Variants in C1QTNF3 observed in about 807,000 individuals in gnomAD.
C1QTNF3 encodes the protein C1q and TNF related 3, also known as complement C1q tumor necrosis factor-related protein 3.
A neutral mutation model predicts 32.6 loss-of-function variants in C1QTNF3; 26 were observed. The observed-to-expected ratio is 0.80, with a 90% CI of 0.58 to 1.11. The LOEUF (loss-of-function observed/expected upper bound fraction) is 1.11. Ranked by LOEUF, C1QTNF3 falls within the 50% of genes least tolerant of loss-of-function variation. The probability of loss-of-function intolerance (pLI) is 0.00; values close to 1 mark genes in which losing one functional copy is unlikely to be tolerated. For missense variants in C1QTNF3, 362 were observed against 398.2 expected (o/e 0.91, Z 0.77); for synonymous variants, 155 against 146.0 (o/e 1.06, Z -0.44).
At chr5:34,051,658 A>T in the C1QTNF3 span, among the ~76,000 whole-genome samples, 1 of 152,206 alleles carries the variant, frequency 6.6e-6, no homozygotes, top group Non-Finnish European at 1.5e-5. Context: ...ATACTTCCTG[A>T]GAAGGCAGGG....
the C1QTNF3 span, among the ~76,000 whole-genome samples, chr5:34,216,167 T>C: frequency 6.6e-6 from 1 of 152,254 alleles, no homozygotes; most frequent in Non-Finnish European, 1.5e-5. Flanking sequence ...ATGGTAATAA[T>C]CTTTCTACCA....
the C1QTNF3 span, among the ~76,000 whole-genome samples, chr5:34,183,878 A>G: frequency 9.0e-4 from 137 of 151,578 alleles, no homozygotes; most frequent in African/African-American, 3.3e-3. Flanking sequence ...ATAAGCCATG[A>G]TTTTGAAGTC....
the C1QTNF3 span, chr5:34,124,330 A>C: frequency 1.5e-6 from 1 of 654,028 alleles, no homozygotes; most frequent in South Asian, 1.7e-5. Context: ...GCACTGCTAT[A>C]AAGAAATACC....
the C1QTNF3 span, among the ~76,000 whole-genome samples, chr5:34,229,214 T>C: frequency 1.3e-5 from 2 of 151,968 alleles, no homozygotes; most frequent in Non-Finnish European, 2.9e-5. Flanking sequence ...AAATGGCACA[T>C]ACTTAATTCA....
chr5:34,057,169 G>A, the C1QTNF3 span, among the ~76,000 whole-genome samples: 1 of 152,128 alleles, frequency 6.6e-6, no homozygotes, highest in East Asian at 1.9e-4. Flanking sequence ...GCGACAAACA[G>A]CGATCCAAAG....
At chr5:34,155,759 C>G in the C1QTNF3 span, among the ~76,000 whole-genome samples, 1 of 152,056 alleles carries the variant, frequency 6.6e-6, no homozygotes, top group Admixed American at 6.5e-5. Context: ...CAAGAAACTA[C>G]AAATCTTGAC....
the C1QTNF3 span, chr5:34,166,103 A>G: frequency 6.6e-6 from 1 of 151,360 alleles, no homozygotes; most frequent in Non-Finnish European, 1.5e-5. Flanking sequence ...GTTTTAGAAC[A>G]GGACAATTAA....
At chr5:34,177,121 A>G in the C1QTNF3 span, among the ~76,000 whole-genome samples, 2 of 151,918 alleles carry the variant, frequency 1.3e-5, no homozygotes, top group Admixed American at 6.6e-5. Context: ...TGAGCCCAGG[A>G]GGTTGAGCAG....
At chr5:34,161,396 A>G in the C1QTNF3 span, among the ~76,000 whole-genome samples, 1 of 152,124 alleles carries the variant, frequency 6.6e-6, no homozygotes, top group Non-Finnish European at 1.5e-5. Flanking sequence ...GTTCAAATGC[A>G]AATTCTTAGC....
chr5:34,065,745 T>C, the C1QTNF3 span, among the ~76,000 whole-genome samples: 6 of 151,918 alleles, frequency 3.9e-5, no homozygotes, highest in African/African-American at 1.4e-4. Flanking sequence ...TCGTTGGGAA[T>C]GCAAATAGTT....
the C1QTNF3 span, among the ~76,000 whole-genome samples, chr5:34,177,319 AG>A: frequency 6.6e-6 from 1 of 152,014 alleles, no homozygotes; most frequent in African/African-American, 2.4e-5. Context: ...ATCATTGCAA[AG>A]GTTCTTTTTT....
At chr5:34,148,370 T>C in the C1QTNF3 span, among the ~76,000 whole-genome samples, 3 of 58,044 alleles carry the variant, frequency 5.2e-5, no homozygotes, top group Admixed American at 6.0e-4. Context: ...CAAGGAGGCC[T>C]GCCTGCCTCT....
Position 34,042,901 on chromosome 5 carries a change from G to C in C1QTNF3, c.225C>G (p.Asp75Glu), listed in dbSNP as rs188876397. Residue 75 changes from aspartate to glutamate, a missense_variant, in exon 1 of 6, where the codon GAC becomes GAG. Asp to Glu is a conservative substitution (Grantham distance 45, BLOSUM62 2). Transcript: ENST00000382065. ...TGTVDNNTST[D>E]LKSLRPDELP... is the part of the protein sequence containing the mutation. ...GCTCATCTGGTCTCAGGGATTTTAG[G>C]TCTGTAGAAGTGTTATTATCCACAG... 1 of 1,614,122 alleles carries C rather than the reference G, an allele frequency of 6.2e-7. No individual in the cohort carries two copies. The highest frequency in any genetic ancestry group is 1.7e-5 in the Admixed American group (1 of 60,012).
chr5:34,059,836 T>C, the C1QTNF3 span, among the ~76,000 whole-genome samples: 1 of 152,176 alleles, frequency 6.6e-6, no homozygotes, highest in Admixed American at 6.5e-5. Context: ...TAACAATAGC[T>C]ATGACCTGTA....
At chr5:34,240,832 T>G in the C1QTNF3 span, among the ~76,000 whole-genome samples, 1 of 152,072 alleles carries the variant, frequency 6.6e-6, no homozygotes, top group Non-Finnish European at 1.5e-5. Flanking sequence ...AACATTCAGG[T>G]GACCACTGTT....
chr5:34,169,645 T>G, the C1QTNF3 span, among the ~76,000 whole-genome samples: 1 of 152,194 alleles, frequency 6.6e-6, no homozygotes, highest in Non-Finnish European at 1.5e-5. Flanking sequence ...TTTAGTTTGA[T>G]ATAGTCCAAC....
rs1211888317 is a variant in C1QTNF3 at position 34,018,230 on chromosome 5, T to TAGTG, written c.*2349_*2352dup. Among the ~76,000 whole-genome samples the TAGTG allele has an allele frequency of 6.6e-6, 1 of 151,944 alleles. No homozygotes were observed. The highest frequency in any genetic ancestry group is 1.9e-4 in the East Asian group (1 of 5,200). On this transcript the variant is annotated 3_prime_UTR_variant, in exon 6 of 6. Transcript: ENST00000382065. ...TTTGGGGAATTTTATAAATTTTCTA[T>TAGTG]AGTGAGTTTTTTAAATAAAAATATA...
At chr5:34,055,681 T>C in the C1QTNF3 span, among the ~76,000 whole-genome samples, 2 of 152,250 alleles carry the variant, frequency 1.3e-5, no homozygotes, top group African/African-American at 2.4e-5. Context: ...TACAGATTAA[T>C]CACTGACATG....
intron 5 of C1QTNF3, among the ~76,000 whole-genome samples, chr5:34,021,999 A>G (rs530248507): frequency 3.3e-4 from 50 of 152,350 alleles, no homozygotes; most frequent in Middle Eastern, 3.4e-3. Flanking sequence ...TGGATTAAAA[A>G]TATTGCCTTT....
Sources: gnomAD v4.1 joint callset for allele counts (sites outside exome capture counted in the v4.1 genomes callset) on GRCh38, gnomAD v4.1.1 for gene constraint, MANE v1.5 for transcripts, NCBI Gene and HGNC (gene_info 2026-07-23, HGNC 2026-07-21) for gene names.